Variants in CTNND2 observed in about 807,000 individuals in gnomAD.
CTNND2 encodes the protein catenin delta 2.
In CTNND2, 22 loss-of-function variants were observed where a neutral mutation model predicts 144.4. The ratio of observed to expected loss-of-function variants is 0.15; its 90% CI spans 0.11 to 0.22. The LOEUF (loss-of-function observed/expected upper bound fraction) is 0.22, where lower values mean the gene tolerates loss of function less well. CTNND2 is among the 10% of genes least tolerant of loss of function. The pLI, the probability that CTNND2 is intolerant of heterozygous loss-of-function variation, is 1.00. For missense variants in CTNND2, 1,353 were observed against 1,618.8 expected, an observed-to-expected ratio of 0.84 and a Z score of 2.82; for synonymous variants, 751 against 695.6, an observed-to-expected ratio of 1.08 and a Z score of -1.25.
chr5:11,406,080 G>C (rs1423345952), intron 5 of CTNND2, among the ~76,000 whole-genome samples: 1 of 152,220 alleles, frequency 6.6e-6, no homozygotes, highest in Non-Finnish European at 1.5e-5. Flanking sequence ...CCAGGAGGCA[G>C]AGGTTACAGT....
chr5:11,328,853 T>G (rs1328281949), intron 9 of CTNND2, among the ~76,000 whole-genome samples: 1 of 152,230 alleles, frequency 6.6e-6, no homozygotes, highest in Non-Finnish European at 1.5e-5. Flanking sequence ...CACCCACTCA[T>G]GGCTCCAGAC....
At chr5:11,298,414 T>C (rs1405099800) in intron 9 of CTNND2, among the ~76,000 whole-genome samples, 1 of 152,112 alleles carries the variant, frequency 6.6e-6, no homozygotes, top group Non-Finnish European at 1.5e-5. Context: ...CAAGTGATCC[T>C]CCCACCTTGG....
intron 10 of CTNND2, among the ~76,000 whole-genome samples, chr5:11,217,986 C>T (rs1228748098): frequency 6.6e-6 from 1 of 150,892 alleles, no homozygotes; most frequent in African/African-American, 2.4e-5. Flanking sequence ...AAAATAAATC[C>T]CTCCCTCCCT....
intron 10 of CTNND2, among the ~76,000 whole-genome samples, chr5:11,217,278 A>C (rs1739297595): frequency 6.6e-6 from 1 of 152,220 alleles, no homozygotes; most frequent in Non-Finnish European, 1.5e-5. Flanking sequence ...ATTCAAGAGA[A>C]TACAGCCTGG....
At chr5:11,444,755 G>A (rs1298547384) in intron 3 of CTNND2, among the ~76,000 whole-genome samples, 1 of 152,152 alleles carries the variant, frequency 6.6e-6, no homozygotes, top group Non-Finnish European at 1.5e-5. Context: ...TTGAAGCATA[G>A]TAAAGACAAA....
At chr5:11,744,315 G>C (rs1788183033) in intron 1 of CTNND2, among the ~76,000 whole-genome samples, 1 of 152,212 alleles carries the variant, frequency 6.6e-6, no homozygotes, top group African/African-American at 2.4e-5. Context: ...CTTGTGACTT[G>C]AGAGCCAGAG....
chr5:11,551,116 C>T lies in CTNND2; in HGVS notation c.287+13828G>A, dbSNP rs569007788. On this transcript the variant is annotated intron_variant, in intron 3 of 21. Coordinates refer to ENST00000304623, the MANE Select transcript of CTNND2 (RefSeq NM_001332.4). ...GGACACTCTATTGCCTACTCAGCAA[C>T]GTGCAAAGTCTCTAGCTGGATGTGC... 2.8e-4 allele frequency among the ~76,000 whole-genome samples: 42 copies of T among 152,264 alleles called. No homozygotes were observed. The South Asian group carries it at 4.6e-3, about 17-fold the overall frequency.
chr5:11,223,075 G>A (rs936466210), intron 10 of CTNND2, among the ~76,000 whole-genome samples: 1 of 152,170 alleles, frequency 6.6e-6, no homozygotes, highest in Admixed American at 6.5e-5. Flanking sequence ...TGACTCCTGG[G>A]CTTTAGCAGG....
chr5:11,074,850 A>T (rs915177554), intron 16 of CTNND2, among the ~76,000 whole-genome samples: 2 of 152,168 alleles, frequency 1.3e-5, no homozygotes, highest in African/African-American at 2.4e-5. Flanking sequence ...CTTTGTCCGG[A>T]AACAGTCTTT....
At chr5:11,508,378 C>T (rs1334761329) in intron 3 of CTNND2, 1 of 152,082 alleles carries the variant, frequency 6.6e-6, no homozygotes, top group Non-Finnish European at 1.5e-5. Flanking sequence ...TGCCATGTTC[C>T]CGAGACTTCA....
intron 1 of CTNND2, among the ~76,000 whole-genome samples, chr5:11,735,892 C>T (rs1787656495): frequency 6.6e-6 from 1 of 152,168 alleles, no homozygotes; most frequent in Non-Finnish European, 1.5e-5. Flanking sequence ...GACTAATACA[C>T]AAGGAGCACC....
chr5:11,430,516 ACAT>A (rs1763201374), intron 3 of CTNND2, among the ~76,000 whole-genome samples: 1 of 152,034 alleles, frequency 6.6e-6, no homozygotes, highest in Non-Finnish European at 1.5e-5. Context: ...AGTTCCCAAA[ACAT>A]CAAATCCTCT....
chr5:11,018,099 C>G (rs760161195), intron 17 of CTNND2, 41 bp from the exon 18 acceptor site: 1 of 1,309,232 alleles, frequency 7.6e-7, no homozygotes, highest in Non-Finnish European at 1.1e-6. Flanking sequence ...GTGAGTGGGA[C>G]AGCTGTGTCA....
chr5:11,624,253 C>A lies in CTNND2; in HGVS notation c.175-59197G>T, dbSNP rs554613670. 8.9e-4 allele frequency among the ~76,000 whole-genome samples: 135 copies of A among 152,052 alleles called. 1 individual carries two copies. Among genetic ancestry groups the A allele is most frequent in the African/African-American group, 3.2e-3 (131 of 41,524 alleles). On this transcript the variant is annotated intron_variant, in intron 2 of 21. Coordinates refer to ENST00000304623, the MANE Select transcript of CTNND2 (RefSeq NM_001332.4). ...CTCTCAATTTTAGAGATAAAGATAC[C>A]AAAGCGTGTTAAATTTACATGTCTT...
intron 10 of CTNND2, among the ~76,000 whole-genome samples, chr5:11,213,489 T>C (rs996130768): frequency 6.6e-6 from 1 of 152,228 alleles, no homozygotes; most frequent in Non-Finnish European, 1.5e-5. Flanking sequence ...ATTTATTTAA[T>C]GGTGCTGCTC....
At chr5:11,140,842 T>C (rs552270613) in intron 12 of CTNND2, among the ~76,000 whole-genome samples, 13 of 152,300 alleles carry the variant, frequency 8.5e-5, no homozygotes, top group Admixed American at 3.9e-4. Context: ...TTTATATAAA[T>C]ATATATGGAG....
intron 8 of CTNND2, among the ~76,000 whole-genome samples, chr5:11,354,270 T>G (rs556236422): frequency 6.6e-6 from 1 of 152,334 alleles, no homozygotes; most frequent in Non-Finnish European, 1.5e-5. Context: ...TGATTTTACA[T>G]CAAGTACTTG....
chr5:11,111,611 T>C (rs1329744353), intron 13 of CTNND2, among the ~76,000 whole-genome samples: 4 of 152,222 alleles, frequency 2.6e-5, no homozygotes, highest in Non-Finnish European at 2.9e-5. Context: ...ACTCATGTTT[T>C]CTTAGCCAAA....
At chr5:11,302,517 G>T (rs1269899031) in intron 9 of CTNND2, among the ~76,000 whole-genome samples, 1 of 152,170 alleles carries the variant, frequency 6.6e-6, no homozygotes, top group Admixed American at 6.5e-5. Flanking sequence ...CCAAAGGAAC[G>T]CAACAAACCC....
Sources: allele counts gnomAD v4.1 joint callset (sites outside exome capture counted in the v4.1 genomes callset), GRCh38; gene constraint gnomAD v4.1.1; transcripts MANE v1.5; gene names NCBI Gene and HGNC (gene_info 2026-07-23, HGNC 2026-07-21).